VAC14: variants seen among roughly 807,000 people sequenced by gnomAD.
The protein encoded by VAC14 is protein VAC14 homolog.
Under a neutral mutation model 85.3 loss-of-function variants are expected in VAC14, and 47 were observed. The observed-to-expected ratio is 0.55, with a 90% CI of 0.44 to 0.70. VAC14 has a LOEUF of 0.70. Ranked by LOEUF, VAC14 falls within the 30% of genes least tolerant of loss-of-function variation. VAC14 has a pLI of 0.00. For synonymous variants in VAC14, 447 were observed against 430.5 expected (o/e 1.04, Z -0.47); for missense variants, 861 against 1,004.3 (o/e 0.86, Z 1.93).
chr16:70,772,179 G>A lies in VAC14; in HGVS notation c.1097-7C>T. The A allele has an allele frequency of 6.2e-7, 1 of 1,613,840 alleles. No homozygotes were observed. The highest frequency in any genetic ancestry group is 8.5e-7 in the Non-Finnish European group (1 of 1,179,840). On this transcript the variant is annotated splice_polypyrimidine_tract_variant and splice_region_variant and intron_variant, in intron 9 of 18. Transcript: ENST00000261776. ...CAGGAACCATCTGGACCTCCTGGGAGAGGAAGAGGAACAAGGGGTCATGAA... is the reference window on the plus strand; with the variant it reads ...CAGGAACCATCTGGACCTCCTGGGAAAGGAAGAGGAACAAGGGGTCATGAA...
At chr16:70,703,533 G>C (rs2053868442) in intron 14 of VAC14, among the ~76,000 whole-genome samples, 1 of 152,212 alleles carries the variant, frequency 6.6e-6, no homozygotes, top group African/African-American at 2.4e-5. Flanking sequence ...TTTAGGGAAG[G>C]CTCCTCCCTC....
chr16:70,756,095 A>G (rs1195133861), intron 12 of VAC14: 1 of 456,652 alleles, frequency 2.2e-6, no homozygotes, highest in Non-Finnish European at 4.4e-6. Context: ...AAGGTAAGGG[A>G]GTACATCTGT....
At chr16:70,737,380 G>A (rs2143006733) in intron 13 of VAC14, among the ~76,000 whole-genome samples, 1 of 152,274 alleles carries the variant, frequency 6.6e-6, no homozygotes, top group Admixed American at 6.5e-5. Flanking sequence ...TGCAGCAGGG[G>A]GCGAGGGAGA....
intron 13 of VAC14, 89 bp from the exon 14 acceptor site, chr16:70,731,716 G>A (rs1304973644): frequency 1.4e-6 from 2 of 1,403,334 alleles, no homozygotes; most frequent in Non-Finnish European, 1.9e-6. Flanking sequence ...AACTATAAAT[G>A]CCAAAAAGAT....
chr16:70,710,512 C>T (rs907950428), intron 14 of VAC14, among the ~76,000 whole-genome samples: 5 of 152,354 alleles, frequency 3.3e-5, no homozygotes, highest in Non-Finnish European at 7.3e-5. Flanking sequence ...AGAGCTACTC[C>T]GGCCCCAACA....
At chr16:70,729,780 A>G (rs2054536130) in intron 14 of VAC14, among the ~76,000 whole-genome samples, 1 of 152,014 alleles carries the variant, frequency 6.6e-6, no homozygotes, top group Non-Finnish European at 1.5e-5. Flanking sequence ...GTGCAGAACC[A>G]TCTAGAATGG....
intron 9 of VAC14, among the ~76,000 whole-genome samples, chr16:70,776,659 G>A (rs2033533552): frequency 6.6e-6 from 1 of 151,998 alleles, no homozygotes; most frequent in South Asian, 2.1e-4. Context: ...TAAATTCCTG[G>A]GCTCAAGGGA....
At chr16:70,785,237 T>G (rs1050000664) in intron 3 of VAC14, among the ~76,000 whole-genome samples, 1 of 152,220 alleles carries the variant, frequency 6.6e-6, no homozygotes, top group African/African-American at 2.4e-5. Flanking sequence ...TTCCGTGGCA[T>G]TCTGCAGGGG....
At chr16:70,700,892 G>C (rs1190518078) in intron 14 of VAC14, among the ~76,000 whole-genome samples, 1 of 152,226 alleles carries the variant, frequency 6.6e-6, no homozygotes, top group Non-Finnish European at 1.5e-5. Flanking sequence ...GCGCTCTCCA[G>C]GGATCCAGGC....
At chr16:70,763,772 C>T (rs1463118048) in intron 10 of VAC14, among the ~76,000 whole-genome samples, 1 of 152,202 alleles carries the variant, frequency 6.6e-6, no homozygotes, top group Non-Finnish European at 1.5e-5. Context: ...CTTCTGTGGA[C>T]TGAAGTCCTG....
intron 14 of VAC14, among the ~76,000 whole-genome samples, chr16:70,711,919 C>T (rs1013917645): frequency 4.6e-5 from 7 of 152,196 alleles, no homozygotes; most frequent in Non-Finnish European, 7.3e-5. Flanking sequence ...AGCCTCACGG[C>T]GGCCTCTGAG....
intron 9 of VAC14, among the ~76,000 whole-genome samples, chr16:70,779,930 G>GTTCCTGGGCTCAAGTGATC (rs1474355388): frequency 2.6e-5 from 4 of 151,904 alleles, no homozygotes; most frequent in African/African-American, 7.3e-5. Flanking sequence ...TGCCTCCTGG[G>GTTCCTGGGCTCAAGTGATC]CTCCTGGGCT....
intron 10 of VAC14, chr16:70,766,474 T>C (rs202075083): frequency 1.1e-5 from 5 of 456,642 alleles, no homozygotes; most frequent in African/African-American, 4.0e-5. Context: ...CCTGAAGGTA[T>C]AGGGCATCTT....
chr16:70,699,727 C>G (rs894964340), intron 14 of VAC14: 3 of 152,256 alleles, frequency 2.0e-5, no homozygotes, highest in African/African-American at 7.2e-5. Context: ...AGGGGAAGGG[C>G]ACCTGGGCAA....
intron 9 of VAC14, among the ~76,000 whole-genome samples, chr16:70,776,099 T>A (rs1358117025): frequency 1.3e-5 from 2 of 152,078 alleles, no homozygotes; most frequent in African/African-American, 2.4e-5. Context: ...TAAGAACTAT[T>A]GTAGCATTTT....
At chr16:70,780,327 G>A (rs889226632) in intron 9 of VAC14, among the ~76,000 whole-genome samples, 1 of 152,060 alleles carries the variant, frequency 6.6e-6, no homozygotes, top group African/African-American at 2.4e-5. Context: ...CCCTGAGAAT[G>A]ACCCGCATGG....
chr16:70,698,331 G>A (rs892457025), intron 15 of VAC14, among the ~76,000 whole-genome samples: 1 of 152,222 alleles, frequency 6.6e-6, no homozygotes, highest in African/African-American at 2.4e-5. Flanking sequence ...TTTCAAGGGG[G>A]CAGTGCCTGG....
chr16:70,756,890 G>C (rs2031912171), intron 12 of VAC14, among the ~76,000 whole-genome samples: 1 of 152,196 alleles, frequency 6.6e-6, no homozygotes, highest in African/African-American at 2.4e-5. Flanking sequence ...GGTGGCCCAT[G>C]TTCTTCATGC....
At chr16:70,738,578 C>G (rs1011346817) in intron 13 of VAC14, among the ~76,000 whole-genome samples, 31 of 152,068 alleles carry the variant, frequency 2.0e-4, no homozygotes, top group African/African-American at 7.2e-4. Context: ...GAAGGCACCC[C>G]CTGCTGGTGG....
Sources: allele counts gnomAD v4.1 joint callset (sites outside exome capture counted in the v4.1 genomes callset), GRCh38; gene constraint gnomAD v4.1.1; transcripts MANE v1.5; gene names NCBI Gene and HGNC (gene_info 2026-07-23, HGNC 2026-07-21).